NKAIN2: variants seen among roughly 807,000 people sequenced by gnomAD.
NKAIN2 encodes the protein sodium/potassium-transporting ATPase subunit beta-1-interacting protein 2.
NKAIN2 carries 14 observed loss-of-function variants against 32.6 expected under a neutral mutation model. The observed-to-expected ratio is 0.43, with a 90% CI of 0.28 to 0.67. The LOEUF (loss-of-function observed/expected upper bound fraction) is 0.67. Ranked by LOEUF, NKAIN2 falls within the 30% of genes least tolerant of loss-of-function variation. The pLI is 0.17. For synonymous variants in NKAIN2, 80 were observed against 87.2 expected, an observed-to-expected ratio of 0.92 and a Z score of 0.46; for missense variants, 198 against 258.3, an observed-to-expected ratio of 0.77 and a Z score of 1.60.
At chr6:124,231,736 A>G (rs949576812) in intron 1 of NKAIN2, among the ~76,000 whole-genome samples, 1 of 152,100 alleles carries the variant, frequency 6.6e-6, no homozygotes, top group East Asian at 1.9e-4. Flanking sequence ...CCCCAGCCAT[A>G]TGGAACTGTA....
chr6:124,162,767 C>G (rs1788343928), intron 1 of NKAIN2, among the ~76,000 whole-genome samples: 1 of 152,086 alleles, frequency 6.6e-6, no homozygotes, highest in Non-Finnish European at 1.5e-5. Flanking sequence ...TGCTAACTTA[C>G]ACCCTTTGGA....
At chr6:124,261,104 A>T (rs192214339) in intron 1 of NKAIN2, among the ~76,000 whole-genome samples, 1 of 152,202 alleles carries the variant, frequency 6.6e-6, no homozygotes, top group South Asian at 2.1e-4. Flanking sequence ...AGCATAAAAG[A>T]TTGGCTACAG....
At chr6:124,140,354 T>G (rs1471911775) in intron 1 of NKAIN2, among the ~76,000 whole-genome samples, 1 of 152,220 alleles carries the variant, frequency 6.6e-6, no homozygotes, top group Non-Finnish European at 1.5e-5. Flanking sequence ...GTTTATTCAT[T>G]TTAAAAGTTG....
At chr6:124,436,218 A>G (rs1775436138) in intron 3 of NKAIN2, among the ~76,000 whole-genome samples, 1 of 152,150 alleles carries the variant, frequency 6.6e-6, no homozygotes, top group Non-Finnish European at 1.5e-5. Flanking sequence ...TTGATGACAA[A>G]ATGTTATTCA....
chr6:124,668,664 A>G (rs894308141), intron 4 of NKAIN2, among the ~76,000 whole-genome samples: 1 of 152,182 alleles, frequency 6.6e-6, no homozygotes, highest in Non-Finnish European at 1.5e-5. Flanking sequence ...ATGTTAGCAT[A>G]AAAACAATTT....
At chr6:124,266,578 C>T (rs1794503773) in intron 1 of NKAIN2, among the ~76,000 whole-genome samples, 1 of 152,166 alleles carries the variant, frequency 6.6e-6, no homozygotes. Context: ...CATACCAGGA[C>T]TGATTTAATT....
At chr6:124,092,844 T>C (rs1417536273) in intron 1 of NKAIN2, among the ~76,000 whole-genome samples, 2 of 152,074 alleles carry the variant, frequency 1.3e-5, no homozygotes, top group Non-Finnish European at 2.9e-5. Context: ...CTGATCTCAG[T>C]AGATATAAAA....
At chr6:124,092,939 C>G (rs1451676044) in intron 1 of NKAIN2, among the ~76,000 whole-genome samples, 1 of 152,008 alleles carries the variant, frequency 6.6e-6, no homozygotes, top group African/African-American at 2.4e-5. Context: ...TGATTTTTCT[C>G]TCTATTTAAT....
chr6:123,805,483 A>T (rs913477189), intron 1 of NKAIN2, among the ~76,000 whole-genome samples: 2 of 152,152 alleles, frequency 1.3e-5, no homozygotes, highest in South Asian at 2.1e-4. Context: ...TTCCCCTGAA[A>T]GTTATCTGAT....
intron 1 of NKAIN2, among the ~76,000 whole-genome samples, chr6:123,928,731 T>C (rs1424623992): frequency 1.3e-5 from 2 of 152,314 alleles, no homozygotes; most frequent in East Asian, 3.9e-4. Flanking sequence ...GTCTACTGTA[T>C]GAATCAGTAA....
intron 2 of NKAIN2, among the ~76,000 whole-genome samples, chr6:124,313,938 C>T (rs1796828241): frequency 6.6e-6 from 1 of 152,110 alleles, no homozygotes. Context: ...TTGCCGGGCT[C>T]TCTTTGTGAT....
At chr6:124,175,081 GT>G (rs1177656995) in intron 1 of NKAIN2, among the ~76,000 whole-genome samples, 1 of 152,154 alleles carries the variant, frequency 6.6e-6, no homozygotes, top group African/African-American at 2.4e-5. Flanking sequence ...TAGAAAGTGT[GT>G]TTTTAAGCAC....
intron 1 of NKAIN2, among the ~76,000 whole-genome samples, chr6:124,045,156 G>A (rs151215067): frequency 7.9e-4 from 120 of 151,628 alleles, no homozygotes; most frequent in African/African-American, 2.8e-3. Flanking sequence ...AAACTATCTG[G>A]CTAAAATATA....
chr6:124,624,023 A>AAGAC lies in NKAIN2; in HGVS notation c.274-34160_274-34159insCAGA, dbSNP rs1554236890. On this transcript the variant is annotated intron_variant, in intron 3 of 6. Transcript: ENST00000368417. ...ATTGGTTAGCTTGACATCATGTGGAAAGATAGCTCCTAAGACAAAAGTAGT... is the reference window on the plus strand; with the variant it reads ...ATTGGTTAGCTTGACATCATGTGGAAAGACAGATAGCTCCTAAGACAAAAGTAGT... Among the ~76,000 whole-genome samples the AAGAC allele has an allele frequency of 3.3e-5, 5 of 152,042 alleles. No individual in the cohort carries two copies. The East Asian group carries it at 9.7e-4, about 29-fold the overall frequency.
intron 1 of NKAIN2, among the ~76,000 whole-genome samples, chr6:124,220,839 T>C (rs1791776682): frequency 6.6e-6 from 1 of 152,142 alleles, no homozygotes; most frequent in Non-Finnish European, 1.5e-5. Context: ...TCCATAAATA[T>C]TTATTTAGTT....
At position 124,682,017 on chromosome 6, in the gene NKAIN2, A is replaced by G. The variant is rs1185931849; in HGVS notation, c.474+23631A>G. ...GAAAAATAGAAAGAGTAGAGCAAAT[A>G]CTGGGGATAAAAATGTAATGTACAT... is the stretch of plus-strand genomic sequence containing the variant. On this transcript the variant is annotated intron_variant, in intron 4 of 6. Coordinates refer to ENST00000368417, the MANE Select transcript of NKAIN2 (RefSeq NM_001040214.3). 2.6e-5 allele frequency among the ~76,000 whole-genome samples: 4 copies of G among 152,042 alleles called. No individual in the cohort carries two copies. In the East Asian group the frequency reaches 7.7e-4, roughly 29 times the overall value.
intron 4 of NKAIN2, among the ~76,000 whole-genome samples, chr6:124,786,620 G>A (rs763286692): frequency 4.6e-5 from 7 of 151,994 alleles, no homozygotes; most frequent in African/African-American, 2.4e-5. Context: ...AAGATGACAT[G>A]TAATTCCTTA....
chr6:124,052,455 G>A (rs1454868749), intron 1 of NKAIN2, among the ~76,000 whole-genome samples: 7 of 151,894 alleles, frequency 4.6e-5, no homozygotes, highest in East Asian at 3.9e-4. Context: ...ACCAAACCTC[G>A]AATTTACAAG....
intron 3 of NKAIN2, among the ~76,000 whole-genome samples, chr6:124,405,644 A>G (rs1261505430): frequency 1.3e-5 from 2 of 151,448 alleles, no homozygotes; most frequent in Admixed American, 6.6e-5. Context: ...CCTCCCGAAG[A>G]GCTGGAACTA....
Sources: gnomAD v4.1 joint callset for allele counts (sites outside exome capture counted in the v4.1 genomes callset) on GRCh38, gnomAD v4.1.1 for gene constraint, MANE v1.5 for transcripts, NCBI Gene and HGNC (gene_info 2026-07-23, HGNC 2026-07-21) for gene names.